Variants in IPO7 observed in about 807,000 individuals in gnomAD.
IPO7 encodes the protein importin 7, also known as importin-7.
In IPO7, 13 loss-of-function variants were observed where a neutral mutation model predicts 136.4. That is an observed-to-expected ratio of 0.10 (90% CI 0.06 to 0.15). The LOEUF (loss-of-function observed/expected upper bound fraction) is 0.15. Ranked by LOEUF, IPO7 falls within the 10% of genes least tolerant of loss-of-function variation. The probability of loss-of-function intolerance (pLI) is 1.00; values close to 1 mark genes in which losing one functional copy is unlikely to be tolerated. For synonymous variants in IPO7, 403 were observed against 404.4 expected (o/e 1.00, Z 0.04); for missense variants, 857 against 1,240.6 (o/e 0.69, Z 4.65).
intron 18 of IPO7, among the ~76,000 whole-genome samples, chr11:9,434,113 G>GAGTT (rs1169620173): frequency 6.6e-6 from 1 of 151,970 alleles, no homozygotes; most frequent in Non-Finnish European, 1.5e-5. Context: ...AGTAGAGACA[G>GAGTT]AGTTTCTCCA....
At chr11:9,385,166 C>T (rs148652956) in intron 1 of IPO7, among the ~76,000 whole-genome samples, 271 of 152,316 alleles carry the variant, frequency 1.8e-3, no homozygotes, top group African/African-American at 5.9e-3. Flanking sequence ...ACCTCTGGCT[C>T]ATTCCCAGCT....
Position 9,410,097 on chromosome 11 carries a change from CT to C in IPO7, c.479+14del. On this transcript the variant is annotated intron_variant, in intron 4 of 24. Coordinates refer to ENST00000379719, the MANE Select transcript of IPO7 (RefSeq NM_006391.3). ...TGTGAAAAATTATGAGTAAGTGTTT[CT>C]TTCAACTCCTATAGAGCTTTGAGAA... 1 of 1,559,178 alleles carries C rather than the reference CT, an allele frequency of 6.4e-7. No homozygotes were observed. Among genetic ancestry groups the C allele is most frequent in the Non-Finnish European group, 8.7e-7 (1 of 1,154,684 alleles).
intron 1 of IPO7, among the ~76,000 whole-genome samples, chr11:9,388,997 T>G (rs1385406596): frequency 6.6e-6 from 1 of 152,072 alleles, no homozygotes; most frequent in African/African-American, 2.4e-5. Flanking sequence ...TGTTATAATA[T>G]TAATAAATAA....
chr11:9,424,584 A>ACC lies in IPO7; in HGVS notation c.1142-330_1142-329insCC, dbSNP rs1254824587. Among the ~76,000 whole-genome samples, 19 of 152,270 alleles carry ACC rather than the reference A, an allele frequency of 1.2e-4. No homozygotes were observed. The East Asian group carries it at 3.7e-3, about 29-fold the overall frequency. On this transcript the variant is annotated intron_variant, in intron 10 of 24. Coordinates refer to ENST00000379719, the MANE Select transcript of IPO7 (RefSeq NM_006391.3). ...TATAGTGAAACCCCATCTCTACTAA[A>ACC]AATACAAAAATTAGCCGGGCGTGGT...
At chr11:9,430,578 A>C (rs1855280090) in intron 15 of IPO7, 1 of 256,974 alleles carries the variant, frequency 3.9e-6, no homozygotes, top group South Asian at 1.1e-4. Context: ...AATGAAAACT[A>C]TTCATAATAT....
chr11:9,421,400 C>T (rs956025262), intron 8 of IPO7, among the ~76,000 whole-genome samples: 5 of 151,228 alleles, frequency 3.3e-5, no homozygotes, highest in African/African-American at 1.2e-4. Context: ...GAGGCCAGGG[C>T]GGGCAGATCA....
chr11:9,417,051 T>C lies in IPO7; in HGVS notation c.637-8T>C, dbSNP rs748344646. ...ATTTCGAAATATTAATTCTTGACTTTTATTTAGTATACACTACCACTGGAA... is the reference window on the plus strand; with the variant it reads ...ATTTCGAAATATTAATTCTTGACTTCTATTTAGTATACACTACCACTGGAA... On this transcript the variant is annotated splice_region_variant and splice_polypyrimidine_tract_variant and intron_variant, in intron 5 of 24. Transcript: ENST00000379719. 7.5e-7 allele frequency: 1 copy of C among 1,333,390 alleles called. No homozygotes were observed. The highest frequency in any genetic ancestry group is 1.1e-6 in the Non-Finnish European group (1 of 943,814). 82.6% of individuals were successfully genotyped at this position (1,333,390 alleles called of 1,614,324 possible).
chr11:9,429,863 A>G, intron 15 of IPO7, 29 bp downstream of exon 15: 2 of 1,530,134 alleles, frequency 1.3e-6, no homozygotes, highest in Non-Finnish European at 1.8e-6. Context: ...CCATATTTGC[A>G]AGCATTTTAA....
rs142637460 is a variant in IPO7, at chr11:9,385,044, C to T, written c.84+197C>T. Among the ~76,000 whole-genome samples the T allele has an allele frequency of 2.1e-4, 32 of 152,212 alleles. No homozygotes were observed. The East Asian group carries it at 4.1e-3, about 19-fold the overall frequency. On this transcript the variant is annotated intron_variant, in intron 1 of 24. Transcript: ENST00000379719. ...TGGTGGTGGCTGCAGCCAAGGCTGC[C>T]TTTGCTTCGGATCCTGAGCTGGGCC...
intron 1 of IPO7, among the ~76,000 whole-genome samples, chr11:9,400,507 C>T (rs770419953): frequency 5.3e-5 from 8 of 152,014 alleles, no homozygotes; most frequent in Non-Finnish European, 8.8e-5. Flanking sequence ...CTGCAGGCTC[C>T]GCCCCCGGGG....
intron 20 of IPO7, 127 bp from the exon 21 acceptor site, chr11:9,437,627 C>A (rs555650212): frequency 2.9e-6 from 2 of 680,258 alleles, no homozygotes; most frequent in Non-Finnish European, 5.0e-6. Context: ...TGCAGTGCCT[C>A]AGCAGTAAAT....
intron 1 of IPO7, among the ~76,000 whole-genome samples, chr11:9,396,047 T>C (rs2133723009): frequency 6.6e-6 from 1 of 152,094 alleles, no homozygotes; most frequent in South Asian, 2.1e-4. Context: ...TTTTCATCCA[T>C]TGCACTTTTA....
chr11:9,437,072 G>C (rs1855387016), intron 20 of IPO7, among the ~76,000 whole-genome samples: 1 of 149,024 alleles, frequency 6.7e-6, no homozygotes, highest in Non-Finnish European at 1.5e-5. Context: ...TTTTAGTAGA[G>C]AAGGAGTTTC....
chr11:9,424,223 C>T (rs936355138), intron 10 of IPO7, among the ~76,000 whole-genome samples: 1 of 152,196 alleles, frequency 6.6e-6, no homozygotes, highest in African/African-American at 2.4e-5. Context: ...AAGCTGGTGT[C>T]ACATGAAGTC....
intron 9 of IPO7, 32 bp from the exon 10 acceptor site, chr11:9,423,745 T>G: frequency 7.5e-7 from 1 of 1,340,794 alleles, no homozygotes; most frequent in Non-Finnish European, 1.0e-6. Flanking sequence ...TGAAAACTGA[T>G]GGTTATTGTT....
chr11:9,426,229 T>C (rs1190860548), intron 12 of IPO7, among the ~76,000 whole-genome samples: 5 of 152,162 alleles, frequency 3.3e-5, no homozygotes, highest in Admixed American at 3.3e-4. Flanking sequence ...ATTTTTTCTA[T>C]GGATTTGTTT....
intron 1 of IPO7, among the ~76,000 whole-genome samples, chr11:9,397,341 A>AAAAAATATATATATATATATATATAT: frequency 9.3e-5 from 1 of 10,762 alleles, no homozygotes; most frequent in African/African-American, 2.5e-4. Context: ...TTTAAAAAAA[A>AAAAAATATATATATATATATATATAT]ATATATATAT....
At chr11:9,414,018 CAT>C (rs1414181509) in intron 4 of IPO7, among the ~76,000 whole-genome samples, 4 of 152,010 alleles carry the variant, frequency 2.6e-5, no homozygotes, top group Middle Eastern at 3.2e-3. Context: ...TGAGGATACT[CAT>C]GTGTGCCTTG....
chr11:9,433,898 T>C (rs746296996), intron 18 of IPO7, 52 bp downstream of exon 18: 1 of 1,543,992 alleles, frequency 6.5e-7, no homozygotes, highest in Non-Finnish European at 8.7e-7. Context: ...TTTGATTTAT[T>C]TGTAGCTTAT....
Sources: gnomAD v4.1 joint callset for allele counts (sites outside exome capture counted in the v4.1 genomes callset) on GRCh38, gnomAD v4.1.1 for gene constraint, MANE v1.5 for transcripts, NCBI Gene and HGNC (gene_info 2026-07-23, HGNC 2026-07-21) for gene names.